The following GRIN1 variants were observed in gnomAD, a reference collection of about 807,000 sequenced individuals.
The protein encoded by GRIN1 is glutamate receptor ionotropic, NMDA 1.
A neutral mutation model predicts 103.0 loss-of-function variants in GRIN1; 38 were observed. The ratio of observed to expected loss-of-function variants is 0.37; its 90% CI spans 0.28 to 0.48. The LOEUF (loss-of-function observed/expected upper bound fraction) is 0.48, where lower values mean the gene tolerates loss of function less well. GRIN1 is among the 20% of genes least tolerant of loss of function. The probability of loss-of-function intolerance (pLI) is 0.98; values close to 1 mark genes in which losing one functional copy is unlikely to be tolerated. For synonymous variants in GRIN1, 544 were observed against 532.7 expected, an observed-to-expected ratio of 1.02 and a Z score of -0.29; for missense variants, 577 against 1,288.9, an observed-to-expected ratio of 0.45 and a Z score of 8.46.
Position 137,139,829 on chromosome 9 carries a change from G to A in GRIN1, c.258+85G>A. The A allele has an allele frequency of 9.1e-7, 1 of 1,098,070 alleles. No homozygotes were observed. Among genetic ancestry groups the A allele is most frequent in the Non-Finnish European group, 1.4e-6 (1 of 719,410 alleles). The allele number at this position is 1,098,070 out of a possible 1,614,324, so 68.0% of individuals were successfully genotyped here. A position where few individuals can be genotyped will look rare whatever the true frequency, so the allele number is the denominator to read the frequency against. ...CCCAGTTTCATTCCATCCTTTCCGT[G>A]CCCCCTTCCTCCCTGTAAGACACCA... On this transcript the variant is annotated intron_variant, in intron 1 of 19. Transcript: ENST00000371561. The surrounding 1 kb of genome is among the most constrained non-coding windows in gnomAD (Gnocchi z 7.7).
intron 4 of GRIN1, among the ~76,000 whole-genome samples, chr9:137,151,508 A>G (rs1832911992): frequency 6.6e-6 from 1 of 151,592 alleles, no homozygotes; most frequent in Non-Finnish European, 1.5e-5. Context: ...CTTCACCCAG[A>G]GAAATTCCCA....
At chr9:137,166,300 G>C (rs560741623) in intron 19 of GRIN1, among the ~76,000 whole-genome samples, 2 of 152,332 alleles carry the variant, frequency 1.3e-5, no homozygotes, top group Admixed American at 1.3e-4. Flanking sequence ...ACTCGGACCA[G>C]AGGCCCCCAG....
chr9:137,157,089 G>T, intron 6 of GRIN1, 52 bp downstream of exon 6: 1 of 1,492,626 alleles, frequency 6.7e-7, no homozygotes. Context: ...GGAGGTGGGC[G>T]GGGTCACTCC....
chr9:137,159,672 C>T (rs1211015876), intron 8 of GRIN1, among the ~76,000 whole-genome samples: 4 of 152,246 alleles, frequency 2.6e-5, no homozygotes, highest in Non-Finnish European at 5.9e-5. Flanking sequence ...TGTTTCTGGC[C>T]TCACTAATTT....
intron 8 of GRIN1, 108 bp from the exon 9 acceptor site, chr9:137,160,948 C>A: frequency 1.5e-6 from 2 of 1,376,448 alleles, no homozygotes; most frequent in Non-Finnish European, 2.0e-6. Context: ...GTGAGGGGTG[C>A]GTCGGGGATT....
In GRIN1 at chr9:137,165,171, A is replaced by G. The variant is rs772872358; in HGVS notation, c.2590-15A>G. ...CCACCCTAGCCATCTAATCACTTATACATATTCATTTTAGGATAGAAAGAG... is the reference window on the plus strand; with the variant it reads ...CCACCCTAGCCATCTAATCACTTATGCATATTCATTTTAGGATAGAAAGAG... On this transcript the variant is annotated splice_polypyrimidine_tract_variant and intron_variant, in intron 18 of 19. Transcript: ENST00000371561. 5 of 1,542,430 alleles carry G rather than the reference A, an allele frequency of 3.2e-6. No homozygotes were observed. Among genetic ancestry groups the G allele is most frequent in the Non-Finnish European group, 4.5e-6 (5 of 1,115,982 alleles).
chr9:137,156,663 C>T lies in GRIN1; in HGVS notation c.672-6C>T. The T allele has an allele frequency of 6.2e-7, 1 of 1,600,366 alleles. No homozygotes were observed. The stretch of plus-strand genomic sequence containing the variant: ...TCCTGGCCCGTCATCCCCGTCTGCC[C>T]CACAGCGAGGACGATGCTGCCACTG... On this transcript the variant is annotated splice_region_variant and splice_polypyrimidine_tract_variant and intron_variant, in intron 4 of 19. Coordinates refer to ENST00000371561, the MANE Select transcript of GRIN1 (RefSeq NM_007327.4).
rs1377530613 is a variant in GRIN1, at chr9:137,158,375, C to G, written c.969-4C>G. On this transcript the variant is annotated splice_region_variant and splice_polypyrimidine_tract_variant and intron_variant, in intron 6 of 19. Coordinates refer to ENST00000371561, the MANE Select transcript of GRIN1 (RefSeq NM_007327.4). ...AGAAGCCTCAGCTATGCTTCCTTCCCTAGAGTGCTGATGTCTTCCAAGTAT... is the reference window on the plus strand; with the variant it reads ...AGAAGCCTCAGCTATGCTTCCTTCCGTAGAGTGCTGATGTCTTCCAAGTAT... The G allele has an allele frequency of 7.4e-6, 12 of 1,613,338 alleles. No individual in the cohort carries two copies. Among genetic ancestry groups the G allele is most frequent in the Non-Finnish European group, 1.0e-5 (12 of 1,179,960 alleles).
At position 137,144,626 on chromosome 9, in the gene GRIN1, A is replaced by G. The variant is rs542779134; in HGVS notation, c.394-1100A>G. Among the ~76,000 whole-genome samples the G allele has an allele frequency of 3.8e-4, 56 of 145,734 alleles. No individual in the cohort carries two copies. The Middle Eastern group carries it at 0.012, about 31-fold the overall frequency. ...GCCGAGATTGCACTCCAGCCTGGGTAACAGTGCGAGACTGTTTAAAAAAAA... is the reference window on the plus strand; with the variant it reads ...GCCGAGATTGCACTCCAGCCTGGGTGACAGTGCGAGACTGTTTAAAAAAAA... On this transcript the variant is annotated intron_variant, in intron 2 of 19. Coordinates refer to ENST00000371561, the MANE Select transcript of GRIN1 (RefSeq NM_007327.4).
intron 10 of GRIN1, 58 bp downstream of exon 10, chr9:137,161,474 A>T: frequency 5.6e-6 from 5 of 890,844 alleles, no homozygotes; most frequent in South Asian, 2.0e-5. Flanking sequence ...GCGCGGTCGG[A>T]GTGGGTGGGG....
Position 137,168,539 on chromosome 9 carries a change from G to C in GRIN1, c.*1012G>C, listed in dbSNP as rs1209610717. The C allele has an allele frequency of 4.1e-6, 1 of 245,122 alleles. No individual in the cohort carries two copies. The highest frequency in any genetic ancestry group is 7.7e-6 in the Non-Finnish European group (1 of 129,306). 15.2% of individuals were successfully genotyped at this position (245,122 alleles called of 1,614,324 possible). On this transcript the variant is annotated 3_prime_UTR_variant, in exon 20 of 20. Coordinates refer to ENST00000371561, the MANE Select transcript of GRIN1 (RefSeq NM_007327.4). ...CAACCCTGCCCTGCACCTTGGGCAC[G>C]GGAGAGCGCCACCCGCCCGCCCCCG...
chr9:137,148,672 C>T (rs1175116033), intron 3 of GRIN1, among the ~76,000 whole-genome samples: 1 of 152,222 alleles, frequency 6.6e-6, no homozygotes, highest in African/African-American at 2.4e-5. Flanking sequence ...GTTTCCCGTC[C>T]GCTGCACGCC....
chr9:137,158,008 C>T (rs748637855), intron 6 of GRIN1, among the ~76,000 whole-genome samples: 8 of 152,254 alleles, frequency 5.3e-5, no homozygotes, highest in Non-Finnish European at 1.2e-4. Context: ...TCAACCTCGC[C>T]TTCACTTGCT....
intron 4 of GRIN1, among the ~76,000 whole-genome samples, chr9:137,155,224 A>G (rs1482944786): frequency 6.6e-6 from 1 of 152,250 alleles, no homozygotes; most frequent in Non-Finnish European, 1.5e-5. Flanking sequence ...TGCGTCAAGA[A>G]GACGGGCTTG....
At chr9:137,151,827 G>A (rs1409061127) in intron 4 of GRIN1, among the ~76,000 whole-genome samples, 3 of 148,916 alleles carry the variant, frequency 2.0e-5, no homozygotes, top group Non-Finnish European at 1.5e-5. Context: ...CACCACACCC[G>A]GCTAATTTTT....
At chr9:137,145,386 C>G (rs1406593287) in intron 2 of GRIN1, among the ~76,000 whole-genome samples, 6 of 95,550 alleles carry the variant, frequency 6.3e-5, no homozygotes, top group South Asian at 7.9e-4. Flanking sequence ...GTGGGAGACA[C>G]GAGGGGGTCC....
At chr9:137,163,533 G>A (rs764964243) in intron 16 of GRIN1, 26 bp from the exon 17 acceptor site, 2 of 1,502,744 alleles carry the variant, frequency 1.3e-6, no homozygotes, top group Admixed American at 3.3e-5. Flanking sequence ...CCGCCTCACT[G>A]CAGGCTCACT....
chr9:137,161,177 A>G lies in GRIN1; in HGVS notation c.1319A>G (p.Asn440Ser). 5.0e-6 allele frequency: 8 copies of G among 1,610,968 alleles called. No individual in the cohort carries two copies. The highest frequency in any genetic ancestry group is 6.8e-6 in the Non-Finnish European group (8 of 1,179,348). ...PVKKVICTGPNDTSPGSPRHT... is the reference protein window; with the variant it reads ...PVKKVICTGPSDTSPGSPRHT... ...AAGAAGGTGATCTGCACCGGGCCCA[A>G]CGACACGTCGCCGGGCAGCCGTGAG... Residue 440 changes from asparagine to serine, a missense_variant, in exon 9 of 20, where the codon AAC becomes AGC. Transcript: ENST00000371561.
At chr9:137,141,065 C>G (rs775887430) in intron 1 of GRIN1, among the ~76,000 whole-genome samples, 7 of 152,200 alleles carry the variant, frequency 4.6e-5, no homozygotes, top group Non-Finnish European at 7.3e-5. Context: ...TGGGGAATTG[C>G]TTCAACTCAC....
Sources: allele counts gnomAD v4.1 joint callset (sites outside exome capture counted in the v4.1 genomes callset), GRCh38; gene constraint gnomAD v4.1.1; non-coding constraint Gnocchi (gnomAD v3.1); transcripts MANE v1.5; gene names NCBI Gene and HGNC (gene_info 2026-07-23, HGNC 2026-07-21).